Variants in CSMD1 observed in about 807,000 individuals in gnomAD.
The protein encoded by CSMD1 is CUB and sushi domain-containing protein 1.
In CSMD1, 213 loss-of-function variants were observed where a neutral mutation model predicts 417.5. The observed-to-expected ratio is 0.51, with a 90% confidence interval of 0.46 to 0.57. The LOEUF is 0.57. CSMD1 is among the 20% of genes least tolerant of loss of function. The probability of loss-of-function intolerance (pLI) is 0.00; values close to 1 mark genes in which losing one functional copy is unlikely to be tolerated. For missense variants in CSMD1, 6,923 were observed against 4,529.7 expected, an observed-to-expected ratio of 1.53 and a Z score of -15.17; for synonymous variants, 2,862 against 1,736.8, an observed-to-expected ratio of 1.65 and a Z score of -16.11.
intron 33 of CSMD1, among the ~76,000 whole-genome samples, chr8:3,192,283 C>T (rs1796469199): frequency 6.6e-6 from 1 of 151,938 alleles, no homozygotes; most frequent in African/African-American, 2.4e-5. Flanking sequence ...GGTCAAGGAT[C>T]TCTTATCTGA....
chr8:3,269,892 T>C (rs1004906897), intron 26 of CSMD1, among the ~76,000 whole-genome samples: 25 of 152,210 alleles, frequency 1.6e-4, no homozygotes, highest in African/African-American at 6.0e-4. Flanking sequence ...CCTCTAAAGC[T>C]CCTTTTTCTA....
At chr8:3,996,303 T>C (rs1472132269) in intron 5 of CSMD1, among the ~76,000 whole-genome samples, 2 of 152,124 alleles carry the variant, frequency 1.3e-5, no homozygotes, top group African/African-American at 4.8e-5. Context: ...TGAGAATGAG[T>C]CCCTATATAT....
intron 45 of CSMD1, 97 bp downstream of exon 45, chr8:3,107,615 TGACAAA>T: frequency 1.4e-6 from 1 of 703,114 alleles, no homozygotes; most frequent in South Asian, 1.8e-5. Flanking sequence ...TTTGTTTCTC[TGACAAA>T]TTACTCATTA....
At chr8:4,429,688 C>T (rs1797761453) in intron 2 of CSMD1, among the ~76,000 whole-genome samples, 2 of 152,054 alleles carry the variant, frequency 1.3e-5, no homozygotes, top group South Asian at 2.1e-4. Flanking sequence ...ACCCCAATAC[C>T]CCAAAAGAAC....
chr8:4,365,953 G>C (rs1036728221), intron 3 of CSMD1, among the ~76,000 whole-genome samples: 1 of 151,892 alleles, frequency 6.6e-6, no homozygotes, highest in Admixed American at 6.6e-5. Context: ...TTAGGTTCAG[G>C]GTATCCACGT....
At chr8:3,597,849 TA>T (rs1054132439) in intron 8 of CSMD1, among the ~76,000 whole-genome samples, 1 of 151,936 alleles carries the variant, frequency 6.6e-6, no homozygotes, top group African/African-American at 2.4e-5. Context: ...GGTTGGGGAC[TA>T]GGGGAGGGAT....
intron 3 of CSMD1, among the ~76,000 whole-genome samples, chr8:4,320,479 G>C (rs1448401994): frequency 6.6e-6 from 1 of 152,108 alleles, no homozygotes; most frequent in Non-Finnish European, 1.5e-5. Flanking sequence ...ATCTACATTA[G>C]ATATTTTTCC....
At chr8:3,926,970 T>C (rs1034739512) in intron 5 of CSMD1, among the ~76,000 whole-genome samples, 6 of 151,950 alleles carry the variant, frequency 3.9e-5, no homozygotes, top group Admixed American at 3.9e-4. Flanking sequence ...CACCTCGGCC[T>C]CCCAAAGTGC....
chr8:3,933,280 G>C (rs1282080093), intron 5 of CSMD1, among the ~76,000 whole-genome samples: 1 of 152,046 alleles, frequency 6.6e-6, no homozygotes, highest in Non-Finnish European at 1.5e-5. Flanking sequence ...AAAATATTTT[G>C]CTTTATTCAC....
intron 4 of CSMD1, among the ~76,000 whole-genome samples, chr8:4,030,819 C>T (rs1797304351): frequency 6.6e-6 from 1 of 152,094 alleles, no homozygotes; most frequent in African/African-American, 2.4e-5. Context: ...TTTACAGCAC[C>T]CAAGACACCT....
intron 3 of CSMD1, among the ~76,000 whole-genome samples, chr8:4,270,469 C>G (rs1718778155): frequency 6.6e-6 from 1 of 152,126 alleles, no homozygotes; most frequent in Non-Finnish European, 1.5e-5. Context: ...AGCCGCAGAG[C>G]TTTTCTTCTC....
At chr8:4,372,126 T>G (rs949168954) in intron 3 of CSMD1, among the ~76,000 whole-genome samples, 1 of 152,242 alleles carries the variant, frequency 6.6e-6, no homozygotes, top group Non-Finnish European at 1.5e-5. Flanking sequence ...TACTGAATAT[T>G]AGCATTTTTC....
At chr8:4,418,625 T>C (rs1040014366) in intron 3 of CSMD1, among the ~76,000 whole-genome samples, 2 of 152,190 alleles carry the variant, frequency 1.3e-5, no homozygotes, top group East Asian at 1.9e-4. Context: ...CTGGTATGGA[T>C]TGCTTTAGAG....
At chr8:3,183,082 G>T (rs866924591) in intron 36 of CSMD1, 7 of 151,840 alleles carry the variant, frequency 4.6e-5, no homozygotes, top group African/African-American at 1.5e-4. Flanking sequence ...TAAACATGAA[G>T]TGTGTCGAAC....
chr8:4,758,056 C>T (rs1019168947), intron 1 of CSMD1, among the ~76,000 whole-genome samples: 1 of 151,670 alleles, frequency 6.6e-6, no homozygotes, highest in African/African-American at 2.4e-5. Context: ...TATCTTCTTT[C>T]CTTCTCTCTG....
At chr8:4,901,367 G>A (rs1804858937) in intron 1 of CSMD1, among the ~76,000 whole-genome samples, 1 of 152,144 alleles carries the variant, frequency 6.6e-6, no homozygotes, top group Non-Finnish European at 1.5e-5. Context: ...GTTATCTATA[G>A]AAGACTATTG....
intron 5 of CSMD1, among the ~76,000 whole-genome samples, chr8:3,989,069 A>T (rs1307065994): frequency 6.6e-6 from 1 of 152,126 alleles, no homozygotes; most frequent in Non-Finnish European, 1.5e-5. Flanking sequence ...AGAAATCTGA[A>T]CTCTCTATGG....
intron 18 of CSMD1, 86 bp from the exon 19 acceptor site, chr8:3,369,456 T>A (rs1043849206): frequency 3.5e-5 from 24 of 678,360 alleles, no homozygotes; most frequent in Admixed American, 3.2e-4. Flanking sequence ...GCATGCAATT[T>A]GCACAAGGAT....
At position 4,827,290 on chromosome 8, in the gene CSMD1, C is replaced by G. The variant is rs138226706; in HGVS notation, c.85+167042G>C. 4.3e-3 allele frequency among the ~76,000 whole-genome samples: 650 copies of G among 152,126 alleles called. 6 individuals carry two copies. Among genetic ancestry groups the G allele is most frequent in the Middle Eastern group, 0.024 (7 of 294 alleles). On this transcript the variant is annotated intron_variant, in intron 1 of 69. Transcript: ENST00000635120. Reference sequence around the variant, plus strand: ...AATATTTACTTCATTACTCATGTTTCAAGCAGAAAGACCAGAATGGTTTTC... The same window carrying G: ...AATATTTACTTCATTACTCATGTTTGAAGCAGAAAGACCAGAATGGTTTTC...
Sources: allele counts gnomAD v4.1 joint callset (sites outside exome capture counted in the v4.1 genomes callset), GRCh38; gene constraint gnomAD v4.1.1; transcripts MANE v1.5; gene names NCBI Gene and HGNC (gene_info 2026-07-23, HGNC 2026-07-21).